The following NLRC5 variants were observed in gnomAD, a reference collection of about 807,000 sequenced individuals.
The protein encoded by NLRC5 is NLR family CARD domain containing 5.
A neutral mutation model predicts 206.9 loss-of-function variants in NLRC5; 114 were observed. That is an observed-to-expected ratio of 0.55 (90% CI 0.47 to 0.64). NLRC5 has a LOEUF of 0.64. Ranked by LOEUF, NLRC5 falls within the 30% of genes least tolerant of loss-of-function variation. NLRC5 has a pLI of 0.00. For synonymous variants in NLRC5, 952 were observed against 962.8 expected (o/e 0.99, Z 0.21); for missense variants, 2,008 against 2,305.5 (o/e 0.87, Z 2.64).
chr16:57,023,846 G>C lies in NLRC5; in HGVS notation c.417G>C (p.Gln139His). Reference sequence around the variant, plus strand: ...CCCGCCGGAAGCAGTGCAAGAAGCAGCAGCTAGGTGGGTACCAGTGTGGGG... The same window carrying C: ...CCCGCCGGAAGCAGTGCAAGAAGCACCAGCTAGGTGGGTACCAGTGTGGGG... The part of the protein sequence containing the change: ...SSPRRKQCKK[Q>H]QLELAKKYLQ... Residue 139 changes from glutamine (Q) to histidine (H), a missense_variant, in exon 5 of 49, where the codon CAG becomes CAC. Gln to His is a conservative substitution (Grantham distance 24). Coordinates refer to ENST00000688547, the MANE Select transcript of NLRC5 (RefSeq NM_001384950.1). The C allele has an allele frequency of 6.2e-7, 1 of 1,610,392 alleles. No homozygotes were observed. Among genetic ancestry groups the C allele is most frequent in the Middle Eastern group, 1.7e-4 (1 of 6,056 alleles).
chr16:57,057,762 G>C (rs530045218), intron 27 of NLRC5, among the ~76,000 whole-genome samples: 2 of 152,330 alleles, frequency 1.3e-5, no homozygotes, highest in South Asian at 4.1e-4. Context: ...AGCAGAGAAC[G>C]TAGGAGTTGC....
intron 15 of NLRC5, among the ~76,000 whole-genome samples, chr16:57,038,139 C>T (rs2062837162): frequency 2.6e-5 from 4 of 151,946 alleles, no homozygotes; most frequent in Admixed American, 2.0e-4. Context: ...GAATGTTTAA[C>T]CGAGGGATAT....
At chr16:57,029,664 C>T in intron 8 of NLRC5, 109 bp from the exon 9 acceptor site, 1 of 850,798 alleles carries the variant, frequency 1.2e-6, no homozygotes, top group Non-Finnish European at 1.9e-6. Context: ...CTTTCTGGGC[C>T]CCTGTCTTAT....
chr16:57,058,180 C>A lies in NLRC5; in HGVS notation c.3830+32C>A, dbSNP rs754343274. The A allele has an allele frequency of 3.2e-6, 5 of 1,573,850 alleles. No homozygotes were observed. In the East Asian group the frequency reaches 1.1e-4, roughly 36 times the overall value. ...GGAAAGCAGCATAAAGGACAGATAG[C>A]AAGGAGGAAGGCTCCCCTAGGCCAA... On this transcript the variant is annotated intron_variant, in intron 28 of 48. Coordinates refer to ENST00000688547, the MANE Select transcript of NLRC5 (RefSeq NM_001384950.1).
At chr16:57,031,336 G>A (rs372496434) in intron 10 of NLRC5, 68 bp from the exon 11 acceptor site, 76 of 1,523,210 alleles carry the variant, frequency 5.0e-5, no homozygotes, top group Non-Finnish European at 6.9e-5. Flanking sequence ...AGAAAAGGGT[G>A]TGCCTGTGGT....
intron 41 of NLRC5, 79 bp downstream of exon 41, chr16:57,077,458 A>G: frequency 7.4e-7 from 1 of 1,349,182 alleles, no homozygotes; most frequent in Non-Finnish European, 1.0e-6. Flanking sequence ...AGCTGAGGCC[A>G]GCATGGTAAA....
Position 57,061,459 on chromosome 16 carries a change from G to A in NLRC5, c.3998G>A (p.Cys1333Tyr). 1 of 1,611,346 alleles carries A rather than the reference G, an allele frequency of 6.2e-7. No individual in the cohort carries two copies. The highest frequency in any genetic ancestry group is 8.5e-7 in the Non-Finnish European group (1 of 1,180,016). ...CTTTCTGCCCTCAGGCTAAGTGAGTGCAGCTTCCGGCCAGAGCACGTGTCC... is the reference window on the plus strand; with the variant it reads ...CTTTCTGCCCTCAGGCTAAGTGAGTACAGCTTCCGGCCAGAGCACGTGTCC... The part of the protein sequence containing the change: ...QAGKTLRLSE[C>Y]SFRPEHVSRL... Residue 1333 changes from cysteine (C) to tyrosine (Y), a missense_variant, in exon 31 of 49, where the codon TGC (cysteine) becomes TAC (tyrosine). Cys to Tyr is a radical substitution (Grantham distance 194). Coordinates refer to ENST00000688547, the MANE Select transcript of NLRC5 (RefSeq NM_001384950.1).
At chr16:57,003,046 G>GAT (rs1473039026) in intron 1 of NLRC5, among the ~76,000 whole-genome samples, 27 of 123,464 alleles carry the variant, frequency 2.2e-4, no homozygotes, top group South Asian at 1.6e-3. Flanking sequence ...CATAGATTGA[G>GAT]GTGTTTGTTT....
chr16:57,045,908 T>TAC (rs2063895611), intron 21 of NLRC5, among the ~76,000 whole-genome samples: 1 of 152,186 alleles, frequency 6.6e-6, no homozygotes. Flanking sequence ...GAAAAAACAT[T>TAC]TTCCCCGTCT....
chr16:57,070,292 T>C (rs2067494250), intron 37 of NLRC5, among the ~76,000 whole-genome samples: 1 of 152,070 alleles, frequency 6.6e-6, no homozygotes, highest in African/African-American at 2.4e-5. Context: ...GCTTCCTCTC[T>C]GCAGCCTTCA....
chr16:56,996,043 A>T (rs1443237701), intron 1 of NLRC5, among the ~76,000 whole-genome samples: 1 of 152,178 alleles, frequency 6.6e-6, no homozygotes, highest in Non-Finnish European at 1.5e-5. Context: ...ACGCATCTGT[A>T]AACCTCTCAC....
At position 57,081,538 on chromosome 16, in the gene NLRC5, A is replaced by C; in HGVS notation, c.5417A>C (p.Asn1806Thr). The C allele has an allele frequency of 6.2e-7, 1 of 1,614,078 alleles. No individual in the cohort carries two copies. Among genetic ancestry groups the C allele is most frequent in the Non-Finnish European group, 8.5e-7 (1 of 1,179,984 alleles). ...TGTCCACTGAGAAGCCTGGAGAAGAATCAGATCACAGCTTTGGGGGCCTGG... is the reference window on the plus strand; with the variant it reads ...TGTCCACTGAGAAGCCTGGAGAAGACTCAGATCACAGCTTTGGGGGCCTGG... The part of the protein sequence containing the change: ...GRLKRVDLEK[N>T]QITALGAWLL... The change falls in exon 48 of 49, where the codon AAT (asparagine) becomes ACT (threonine). Residue 1806 changes from asparagine (N) to threonine (T), a missense_variant. Physicochemically the swap from Asn to Thr is moderately conservative, Grantham distance 65. Coordinates refer to ENST00000688547, the MANE Select transcript of NLRC5 (RefSeq NM_001384950.1).
At chr16:57,019,120 C>G (rs1256053262) in intron 2 of NLRC5, among the ~76,000 whole-genome samples, 3 of 152,152 alleles carry the variant, frequency 2.0e-5, no homozygotes, top group African/African-American at 7.2e-5. Context: ...GTTCGGCCAT[C>G]ATGATGGCTC....
chr16:57,035,489 TC>T (rs2062438538), intron 13 of NLRC5, among the ~76,000 whole-genome samples: 1 of 152,062 alleles, frequency 6.6e-6, no homozygotes, highest in Non-Finnish European at 1.5e-5. Context: ...CAATCTCCAA[TC>T]CAGACACACT....
intron 15 of NLRC5, 73 bp from the exon 16 acceptor site, chr16:57,039,707 AC>A: frequency 7.4e-7 from 1 of 1,358,936 alleles, no homozygotes; most frequent in East Asian, 2.3e-5. Flanking sequence ...ACAGACTGAG[AC>A]CTTCTCTCAA....
intron 1 of NLRC5, 89 bp downstream of exon 1, chr16:56,989,706 G>A (rs1228234267): frequency 1.3e-5 from 2 of 152,438 alleles, no homozygotes; most frequent in East Asian, 1.9e-4. Flanking sequence ...GCACGGAGAG[G>A]GGTGGAGGGG....
intron 1 of NLRC5, among the ~76,000 whole-genome samples, chr16:57,008,000 A>G (rs1337661713): frequency 1.3e-5 from 2 of 152,156 alleles, no homozygotes; most frequent in African/African-American, 4.8e-5. Context: ...ATATCTGATC[A>G]GTTTCATCCA....
At chr16:57,082,319 C>A (rs2069249525) in intron 48 of NLRC5, 98 bp from the exon 49 acceptor site, 3 of 938,636 alleles carry the variant, frequency 3.2e-6, no homozygotes, top group Admixed American at 2.0e-5. Flanking sequence ...TAACTCTAGG[C>A]ACAGCTCTAC....
At chr16:57,001,890 C>T (rs749570303) in intron 1 of NLRC5, among the ~76,000 whole-genome samples, 5 of 151,958 alleles carry the variant, frequency 3.3e-5, no homozygotes, top group Non-Finnish European at 5.9e-5. Flanking sequence ...ACCTCCCCCA[C>T]CCTGGCCTCC....
Sources: allele counts gnomAD v4.1 joint callset (sites outside exome capture counted in the v4.1 genomes callset), GRCh38; gene constraint gnomAD v4.1.1; transcripts MANE v1.5; gene names NCBI Gene and HGNC (gene_info 2026-07-23, HGNC 2026-07-21).